Variants in PCDHGA6 observed in about 807,000 individuals in gnomAD.
The protein encoded by PCDHGA6 is protocadherin gamma-A6.
A neutral mutation model predicts 60.6 loss-of-function variants in PCDHGA6; 41 were observed. That is an observed-to-expected ratio of 0.68 (90% confidence interval 0.53 to 0.88). The LOEUF is 0.88. PCDHGA6 is among the 40% of genes least tolerant of loss of function. The probability of loss-of-function intolerance (pLI) is 0.00; values close to 1 mark genes in which losing one functional copy is unlikely to be tolerated. For missense variants in PCDHGA6, 1,312 were observed against 1,203.0 expected (o/e 1.09, Z -1.34); for synonymous variants, 594 against 524.4 (o/e 1.13, Z -1.81).
chr5:141,449,073 T>C (rs889880816), intron 1 of PCDHGA6, among the ~76,000 whole-genome samples: 1 of 152,246 alleles, frequency 6.6e-6, no homozygotes, highest in African/African-American at 2.4e-5. Flanking sequence ...TGAATAGCCC[T>C]GTACCTACAT....
chr5:141,474,170 T>G (rs535586079), intron 1 of PCDHGA6, among the ~76,000 whole-genome samples: 1 of 152,346 alleles, frequency 6.6e-6, no homozygotes, highest in South Asian at 2.1e-4. Flanking sequence ...GCCTTATTAT[T>G]GAGAAAACTA....
At chr5:141,404,241 C>T (rs960579159) in intron 1 of PCDHGA6, 9 of 1,613,576 alleles carry the variant, frequency 5.6e-6, no homozygotes, top group African/African-American at 4.0e-5. Context: ...AGAGGAACTC[C>T]GCCCCTGTCC....
intron 1 of PCDHGA6, chr5:141,384,693 A>G (rs1345115245): frequency 3.1e-6 from 5 of 1,614,042 alleles, no homozygotes; most frequent in Non-Finnish European, 4.2e-6. Context: ...ACAAAGATTC[A>G]GGCCAGAACG....
At chr5:141,394,064 C>G in intron 1 of PCDHGA6, 7 of 1,613,776 alleles carry the variant, frequency 4.3e-6, no homozygotes, top group Non-Finnish European at 5.9e-6. Flanking sequence ...ATGTCTCTAT[C>G]TACAATATCA....
rs189824439 is a variant in PCDHGA6 at position 141,393,729 on chromosome 5, A to G, written c.2424+17222A>G. ...TACTGGGGAAATATCAATAGCAAAA[A>G]GTCTAGATTATGAAGAATGTTCATT... On this transcript the variant is annotated intron_variant, in intron 1 of 3. Transcript: ENST00000517434. 7.2e-4 allele frequency: 1,163 copies of G among 1,613,856 alleles called. 2 individuals carry two copies. Among genetic ancestry groups the G allele is most frequent in the Non-Finnish European group, 7.9e-4 (934 of 1,179,868 alleles).
At chr5:141,478,016 G>A (rs1204231648) in intron 1 of PCDHGA6, 1 of 1,614,108 alleles carries the variant, frequency 6.2e-7, no homozygotes, top group Non-Finnish European at 8.5e-7. Context: ...TGCCCGTCCA[G>A]TCCAAGACAC....
Position 141,491,029 on chromosome 5 carries a change from G to T in PCDHGA6, c.2425-3778G>T. 1 of 1,614,172 alleles carries T rather than the reference G, an allele frequency of 6.2e-7. No homozygotes were observed. The highest frequency in any genetic ancestry group is 1.1e-5 in the South Asian group (1 of 91,088). On this transcript the variant is annotated intron_variant, in intron 1 of 3. Coordinates refer to ENST00000517434, the MANE Select transcript of PCDHGA6 (RefSeq NM_018919.3). The surrounding 1 kb of genome is among the most constrained non-coding windows in gnomAD (Gnocchi z 6.9). ...GGTCACCAAGGTGACAGCCGTGGAT[G>T]CTGATGCAGGCCACAATGCGTGGCT...
At chr5:141,386,183 A>G (rs201653759) in intron 1 of PCDHGA6, among the ~76,000 whole-genome samples, 1 of 152,230 alleles carries the variant, frequency 6.6e-6, no homozygotes, top group East Asian at 1.9e-4. Context: ...CATCTTATGT[A>G]CACAGATCCT....
At chr5:141,380,834 G>T (rs559775684) in intron 1 of PCDHGA6, among the ~76,000 whole-genome samples, 2 of 152,154 alleles carry the variant, frequency 1.3e-5, no homozygotes, top group Admixed American at 1.3e-4. Flanking sequence ...TGAGGCATCA[G>T]GTAAAAATGG....
At position 141,490,487 on chromosome 5, in the gene PCDHGA6, C is replaced by T. The variant is rs1398601464; in HGVS notation, c.2425-4320C>T. Reference sequence around the variant, plus strand: ...ACCAGCCAGCCTTTGGACCGGGAGGCCACATCCCACTATATCATCGAGCTG... The same window carrying T: ...ACCAGCCAGCCTTTGGACCGGGAGGTCACATCCCACTATATCATCGAGCTG... On this transcript the variant is annotated intron_variant, in intron 1 of 3. Coordinates refer to ENST00000517434, the MANE Select transcript of PCDHGA6 (RefSeq NM_018919.3). This position sits in a 1 kb window ranked among gnomAD's most constrained non-coding sequence, Gnocchi z 5.4. 4 of 1,614,000 alleles carry T rather than the reference C, an allele frequency of 2.5e-6. No homozygotes were observed. The highest frequency in any genetic ancestry group is 1.7e-5 in the Admixed American group (1 of 59,996).
At chr5:141,471,111 C>T (rs529680278) in intron 1 of PCDHGA6, among the ~76,000 whole-genome samples, 1 of 146,150 alleles carries the variant, frequency 6.8e-6, no homozygotes, top group African/African-American at 2.6e-5. Flanking sequence ...TGCAGTGGTG[C>T]GATCTTACCT....
chr5:141,453,204 C>T (rs1345502837), intron 1 of PCDHGA6, among the ~76,000 whole-genome samples: 1 of 152,260 alleles, frequency 6.6e-6, no homozygotes, highest in East Asian at 1.9e-4. Flanking sequence ...GCCTCAACCT[C>T]GTGCACTTAA....
At chr5:141,394,168 T>G in intron 1 of PCDHGA6, 1 of 1,613,752 alleles carries the variant, frequency 6.2e-7, no homozygotes, top group Non-Finnish European at 8.5e-7. Flanking sequence ...CCTCCTACTT[T>G]CCCTCATGCC....
chr5:141,421,614 T>C (rs552534116), intron 1 of PCDHGA6: 3 of 1,613,810 alleles, frequency 1.9e-6, no homozygotes, highest in South Asian at 2.2e-5. Flanking sequence ...ATATTAATGA[T>C]AACGCCCCCA....
At chr5:141,377,317 T>C (rs1355098405) in intron 1 of PCDHGA6, 3 of 152,140 alleles carry the variant, frequency 2.0e-5, no homozygotes, top group African/African-American at 7.2e-5. Context: ...GATCAAGATC[T>C]TGGTTTTAGC....
chr5:141,374,511 T>G lies in PCDHGA6; in HGVS notation c.428T>G (p.Leu143Arg). 1 of 1,611,912 alleles carries G rather than the reference T, an allele frequency of 6.2e-7. No homozygotes were observed. Among genetic ancestry groups the G allele is most frequent in the Non-Finnish European group, 8.5e-7 (1 of 1,178,144 alleles). The change falls in exon 1 of 4, where the codon CTC (leucine) becomes CGC (arginine). Residue 143 changes from leucine to arginine, a missense_variant. Coordinates refer to ENST00000517434, the MANE Select transcript of PCDHGA6 (RefSeq NM_018919.3). Reference protein sequence around the residue: ...FLKEELEVKILENAAPSSRFP... With the variant: ...FLKEELEVKIRENAAPSSRFP... ...AAGGAAGAATTGGAAGTGAAAATTC[T>G]CGAAAACGCAGCTCCATCCTCTCGT...
chr5:141,431,016 C>T lies in PCDHGA6; in HGVS notation c.2424+54509C>T, dbSNP rs755015257. Reference sequence around the variant, plus strand: ...AATCCGCGCAGCGGCAGCTTGGTCACGGCGGGCAGGATAGACCGGGAGGAG... The same window carrying T: ...AATCCGCGCAGCGGCAGCTTGGTCATGGCGGGCAGGATAGACCGGGAGGAG... On this transcript the variant is annotated intron_variant, in intron 1 of 3. Transcript: ENST00000517434. This position sits in a 1 kb window ranked among gnomAD's most constrained non-coding sequence, Gnocchi z 4.8. 3 of 1,613,456 alleles carry T rather than the reference C, an allele frequency of 1.9e-6. No individual in the cohort carries two copies. The highest frequency in any genetic ancestry group is 2.2e-5 in the South Asian group (2 of 91,058).
chr5:141,500,430 C>T (rs2099800127), intron 2 of PCDHGA6, among the ~76,000 whole-genome samples: 1 of 151,676 alleles, frequency 6.6e-6, no homozygotes, highest in African/African-American at 2.4e-5. Context: ...AGGATGGTCT[C>T]GATCTCCTGA....
Position 141,415,580 on chromosome 5 carries a change from A to C in PCDHGA6, c.2424+39073A>C, listed in dbSNP as rs773634634. The C allele has an allele frequency of 4.3e-6, 7 of 1,613,976 alleles. No individual in the cohort carries two copies. The Admixed American group carries it at 1.2e-4, about 27-fold the overall frequency. Reference sequence around the variant, plus strand: ...CCTTTGTCTTTGTTAGATGATTCGAAGTTTCCTATAGAGGATACCCCATTG... The same window carrying C: ...CCTTTGTCTTTGTTAGATGATTCGACGTTTCCTATAGAGGATACCCCATTG... On this transcript the variant is annotated intron_variant, in intron 1 of 3. Transcript: ENST00000517434.
Sources: allele counts gnomAD v4.1 joint callset (sites outside exome capture counted in the v4.1 genomes callset), GRCh38; gene constraint gnomAD v4.1.1; non-coding constraint Gnocchi (gnomAD v3.1); transcripts MANE v1.5; gene names NCBI Gene and HGNC (gene_info 2026-07-23, HGNC 2026-07-21).